The following MRPS14 variants were observed in gnomAD, a reference collection of about 807,000 sequenced individuals.
MRPS14 encodes mitochondrial ribosomal protein S14, also known as small ribosomal subunit protein uS14m.
Under a neutral mutation model 16.4 loss-of-function variants are expected in MRPS14, and 14 were observed. That is an observed-to-expected ratio of 0.85 (90% CI 0.56 to 1.33). MRPS14 has a LOEUF of 1.33. Among genes scored for constraint, MRPS14 ranks in the 40% most tolerant of loss-of-function variants. MRPS14 has a pLI of 0.00. For missense variants in MRPS14, 162 were observed against 176.8 expected, an observed-to-expected ratio of 0.92 and a Z score of 0.48; for synonymous variants, 54 against 61.9, an observed-to-expected ratio of 0.87 and a Z score of 0.60.
intron 1 of MRPS14, chr1:175,022,575 C>T (rs1170536426): frequency 6.6e-6 from 1 of 152,112 alleles, no homozygotes; most frequent in African/African-American, 2.4e-5. Flanking sequence ...TGCACTCGAA[C>T]CAGCCTCCAT....
rs376554326 is a variant in MRPS14, at chr1:175,013,871, C to T, written c.*798G>A. ...CCCTCACCTCCTGATTTATTAAGTT[C>T]TCCAGGAATATTTTCCTGATGTTAA... On this transcript the variant is annotated 3_prime_UTR_variant, in exon 3 of 3. Coordinates refer to ENST00000476371, the MANE Select transcript of MRPS14 (RefSeq NM_022100.3). 6.6e-6 allele frequency: 1 copy of T among 152,204 alleles called. No homozygotes were observed. The highest frequency in any genetic ancestry group is 2.4e-5 in the African/African-American group (1 of 41,538). The allele number at this position is 152,204 out of a possible 1,614,324, so 9.4% of individuals were successfully genotyped here.
intron 2 of MRPS14, among the ~76,000 whole-genome samples, 159 bp from the exon 3 acceptor site, chr1:175,015,010 C>T (rs186349072): frequency 6.8e-6 from 1 of 146,678 alleles, no homozygotes; most frequent in African/African-American, 2.6e-5. Flanking sequence ...TGCAATGTCA[C>T]AATCTCAGCT....
intron 1 of MRPS14, among the ~76,000 whole-genome samples, chr1:175,019,048 G>A (rs185368460): frequency 4.6e-5 from 7 of 151,654 alleles, no homozygotes; most frequent in African/African-American, 1.2e-4. Context: ...CCCATTTTTC[G>A]TTCCCTCTTT....
intron 1 of MRPS14, chr1:175,022,642 C>G (rs550069840): frequency 1.8e-4 from 27 of 152,108 alleles, no homozygotes; most frequent in Admixed American, 1.8e-3. Flanking sequence ...TCTACATCAT[C>G]AATTTTTACT....
intron 1 of MRPS14, 58 bp from the exon 2 acceptor site, chr1:175,018,634 C>G: frequency 6.9e-7 from 1 of 1,445,424 alleles, no homozygotes; most frequent in Non-Finnish European, 9.3e-7. Flanking sequence ...TCTGAGTGTT[C>G]CTCAACCCTG....
chr1:175,020,078 G>A (rs1034597791), intron 1 of MRPS14, among the ~76,000 whole-genome samples: 1 of 152,180 alleles, frequency 6.6e-6, no homozygotes, highest in African/African-American at 2.4e-5. Context: ...AAATATTGAT[G>A]TGGCATATGA....
At chr1:175,016,475 T>C (rs1305464351) in intron 2 of MRPS14, among the ~76,000 whole-genome samples, 8 of 152,192 alleles carry the variant, frequency 5.3e-5, no homozygotes, top group Admixed American at 5.2e-4. Flanking sequence ...CAAAAGTGCA[T>C]GCTGTGAAAT....
rs188625520 is a variant in MRPS14, at chr1:175,020,430, A to G, written c.46-1854T>C. Among the ~76,000 whole-genome samples, 622 of 152,310 alleles carry G rather than the reference A, an allele frequency of 4.1e-3. 5 individuals carry two copies. The highest frequency in any genetic ancestry group is 0.014 in the African/African-American group (586 of 41,574). ...GTATTCCTAATCAAATTCTCCTAGA[A>G]GACTTCTATTAGTTTTTAAAAATAG... On this transcript the variant is annotated intron_variant, in intron 1 of 2. Transcript: ENST00000476371.
intron 2 of MRPS14, among the ~76,000 whole-genome samples, chr1:175,018,013 AC>A (rs1672914975): frequency 6.6e-6 from 1 of 151,988 alleles, no homozygotes; most frequent in African/African-American, 2.4e-5. Context: ...AATCCCAGTT[AC>A]TCAGGAGACT....
chr1:175,022,872 C>T (rs1342311535), intron 1 of MRPS14, among the ~76,000 whole-genome samples: 1 of 147,812 alleles, frequency 6.8e-6, no homozygotes, highest in Non-Finnish European at 1.5e-5. Flanking sequence ...AAGGTCCCAA[C>T]AACCTTCACA....
intron 1 of MRPS14, among the ~76,000 whole-genome samples, chr1:175,022,777 T>TA (rs1238428126): frequency 6.6e-6 from 1 of 151,838 alleles, no homozygotes; most frequent in Non-Finnish European, 1.5e-5. Flanking sequence ...AAAGCTCCTT[T>TA]AAAGGCTTAT....
intron 2 of MRPS14, among the ~76,000 whole-genome samples, chr1:175,016,213 A>G (rs563303520): frequency 6.6e-6 from 1 of 152,170 alleles, no homozygotes; most frequent in East Asian, 1.9e-4. Flanking sequence ...AAAAACAAAA[A>G]AAAACCATGA....
At chr1:175,015,490 G>A (rs1231141174) in intron 2 of MRPS14, among the ~76,000 whole-genome samples, 2 of 152,202 alleles carry the variant, frequency 1.3e-5, no homozygotes, top group Non-Finnish European at 2.9e-5. Context: ...AGAGAAGGAG[G>A]AAGGAGAGTA....
intron 2 of MRPS14, 79 bp from the exon 3 acceptor site, chr1:175,014,930 TTTCTTTTC>T: frequency 2.4e-6 from 3 of 1,233,414 alleles, no homozygotes; most frequent in African/African-American, 2.1e-5. Context: ...TGCAGGTAAT[TTTCTTTTC>T]TTTTTTTTTT....
intron 1 of MRPS14, among the ~76,000 whole-genome samples, chr1:175,022,925 T>C (rs1050960589): frequency 6.6e-6 from 1 of 152,206 alleles, no homozygotes; most frequent in African/African-American, 2.4e-5. Context: ...TTAATTGATT[T>C]ATCAACTTTG....
chr1:175,018,693 G>A (rs934872714), intron 1 of MRPS14, 117 bp from the exon 2 acceptor site: 2 of 951,816 alleles, frequency 2.1e-6, no homozygotes, highest in African/African-American at 3.3e-5. Context: ...TTTAAGAGTT[G>A]TTTTAGATCA....
At position 175,014,410 on chromosome 1, in the gene MRPS14, A is replaced by T; in HGVS notation, c.*259T>A. 2.4e-6 allele frequency: 1 copy of T among 414,872 alleles called. No individual in the cohort carries two copies. Among genetic ancestry groups the T allele is most frequent in the East Asian group, 3.5e-5 (1 of 28,616 alleles). 25.7% of individuals were successfully genotyped at this position (414,872 alleles called of 1,614,324 possible). A position where few individuals can be genotyped will look rare whatever the true frequency, so the allele number is the denominator to read the frequency against. On this transcript the variant is annotated 3_prime_UTR_variant, in exon 3 of 3. Transcript: ENST00000476371. ...TAAAAGGAGGGTATAAAAAACATTC[A>T]CAGAAAATATTTATTATGCTACTCT...
chr1:175,022,287 A>C lies in MRPS14; in HGVS notation c.45+1077T>G, dbSNP rs1672991895. 2.0e-5 allele frequency among the ~76,000 whole-genome samples: 3 copies of C among 152,016 alleles called. No homozygotes were observed. The South Asian group carries it at 6.2e-4, about 31-fold the overall frequency. The stretch of plus-strand genomic sequence containing the variant: ...TAAATAAAATATTATATTAAACTTA[A>C]TTTCATCTATTTCTTATTTTTTAAA... On this transcript the variant is annotated intron_variant, in intron 1 of 2. Transcript: ENST00000476371.
intron 1 of MRPS14, among the ~76,000 whole-genome samples, chr1:175,020,395 C>A (rs1367916871): frequency 6.6e-6 from 1 of 152,144 alleles, no homozygotes. Flanking sequence ...TCTTTGAATT[C>A]TTTTTCAAAG....
Sources: gnomAD v4.1 joint callset for allele counts (sites outside exome capture counted in the v4.1 genomes callset) on GRCh38, gnomAD v4.1.1 for gene constraint, MANE v1.5 for transcripts, NCBI Gene and HGNC (gene_info 2026-07-23, HGNC 2026-07-21) for gene names.